The following NUBPL variants were observed in gnomAD, a reference collection of about 807,000 sequenced individuals.
NUBPL encodes the protein iron-sulfur cluster transfer protein NUBPL.
A neutral mutation model predicts 45.7 loss-of-function variants in NUBPL; 31 were observed. The ratio of observed to expected loss-of-function variants is 0.68; its 90% confidence interval spans 0.51 to 0.92. The LOEUF (loss-of-function observed/expected upper bound fraction) is 0.92. Among genes scored for constraint, NUBPL ranks in the 40% least tolerant of loss-of-function variants. The probability of loss-of-function intolerance (pLI) is 0.00; values close to 1 mark genes in which losing one functional copy is unlikely to be tolerated. For missense variants in NUBPL, 401 were observed against 398.7 expected (o/e 1.01, Z -0.05); for synonymous variants, 144 against 140.9 (o/e 1.02, Z -0.15).
At chr14:31,750,078 T>A (rs2038487807) in intron 6 of NUBPL, among the ~76,000 whole-genome samples, 1 of 152,070 alleles carries the variant, frequency 6.6e-6, no homozygotes, top group South Asian at 2.1e-4. Context: ...TATCTCTTTG[T>A]TGGGTTTTCA....
chr14:31,602,525 A>G (rs2034470088), intron 4 of NUBPL, among the ~76,000 whole-genome samples: 1 of 152,118 alleles, frequency 6.6e-6, no homozygotes, highest in South Asian at 2.1e-4. Context: ...AAAAGTATAT[A>G]TATAAAAAGA....
chr14:31,748,062 G>T (rs1005681890), intron 6 of NUBPL, among the ~76,000 whole-genome samples: 5 of 152,062 alleles, frequency 3.3e-5, no homozygotes, highest in Admixed American at 6.6e-5. Flanking sequence ...TGACCCATTG[G>T]TCATTCAGGG....
intron 4 of NUBPL, among the ~76,000 whole-genome samples, chr14:31,652,696 C>A (rs1304276636): frequency 6.6e-6 from 1 of 152,118 alleles, no homozygotes; most frequent in Non-Finnish European, 1.5e-5. Flanking sequence ...ATAAAACCAT[C>A]AAGTTTGTGA....
chr14:31,758,607 T>C (rs1283147865), intron 6 of NUBPL, among the ~76,000 whole-genome samples: 2 of 152,130 alleles, frequency 1.3e-5, no homozygotes, highest in Non-Finnish European at 2.9e-5. Flanking sequence ...GGGTAATAGT[T>C]CTTGGCTTGT....
chr14:31,734,450 A>G (rs2038120956), intron 6 of NUBPL, among the ~76,000 whole-genome samples: 2 of 152,220 alleles, frequency 1.3e-5, no homozygotes. Context: ...GGTTCTGGAA[A>G]TGAAATGAGA....
At chr14:31,639,886 A>G (rs1031070986) in intron 4 of NUBPL, among the ~76,000 whole-genome samples, 10 of 151,968 alleles carry the variant, frequency 6.6e-5, no homozygotes, top group East Asian at 1.9e-4. Context: ...ATGGGATTAT[A>G]TCCAGGTGCG....
At chr14:31,618,161 C>G (rs911364607) in intron 4 of NUBPL, among the ~76,000 whole-genome samples, 1 of 152,022 alleles carries the variant, frequency 6.6e-6, no homozygotes, top group Non-Finnish European at 1.5e-5. Flanking sequence ...TGATTCTTCT[C>G]TCTTTTCTTC....
At chr14:31,617,494 G>T (rs919730760) in intron 4 of NUBPL, among the ~76,000 whole-genome samples, 4 of 152,160 alleles carry the variant, frequency 2.6e-5, no homozygotes, top group Non-Finnish European at 4.4e-5. Context: ...AAGGGGTGTT[G>T]AATTTTGTTG....
At chr14:31,671,279 G>T (rs2036564312) in intron 4 of NUBPL, among the ~76,000 whole-genome samples, 1 of 152,134 alleles carries the variant, frequency 6.6e-6, no homozygotes, top group South Asian at 2.1e-4. Flanking sequence ...TTCATCTAAT[G>T]TTGGACATTT....
chr14:31,859,033 A>G, intron 10 of NUBPL, 85 bp from the exon 11 acceptor site: 1 of 1,125,064 alleles, frequency 8.9e-7, no homozygotes, highest in Non-Finnish European at 1.3e-6. Context: ...TATCAAATAC[A>G]GTGGGCCTCT....
At chr14:31,858,377 T>G (rs543529803) in intron 10 of NUBPL, among the ~76,000 whole-genome samples, 56 of 152,328 alleles carry the variant, frequency 3.7e-4, no homozygotes, top group African/African-American at 1.3e-3. Flanking sequence ...TTAGAAAATT[T>G]TACTATTGTG....
At chr14:31,754,591 CTTTTTT>C (rs59085679) in intron 6 of NUBPL, among the ~76,000 whole-genome samples, 3 of 103,700 alleles carry the variant, frequency 2.9e-5, no homozygotes, top group Non-Finnish European at 5.8e-5. Context: ...AGAGGGTTTT[CTTTTTT>C]TTTTTTTTTT....
intron 7 of NUBPL, among the ~76,000 whole-genome samples, chr14:31,819,991 T>C (rs2039987589): frequency 6.6e-6 from 1 of 151,596 alleles, no homozygotes; most frequent in Non-Finnish European, 1.5e-5. Context: ...ATACAAAAAA[T>C]TACCTGGGCA....
intron 3 of NUBPL, among the ~76,000 whole-genome samples, chr14:31,596,496 G>T (rs570956739): frequency 2.6e-5 from 4 of 152,002 alleles, no homozygotes; most frequent in Non-Finnish European, 5.9e-5. Context: ...GCCGTTTTTT[G>T]TGAAGTTTTA....
At chr14:31,704,403 C>T (rs1463330757) in intron 6 of NUBPL, among the ~76,000 whole-genome samples, 3 of 152,172 alleles carry the variant, frequency 2.0e-5, no homozygotes, top group African/African-American at 7.2e-5. Context: ...GTGGCCCACG[C>T]CTGTAATCCC....
At chr14:31,576,000 A>T (rs114702189) in intron 3 of NUBPL, among the ~76,000 whole-genome samples, 1 of 152,240 alleles carries the variant, frequency 6.6e-6, no homozygotes, top group Non-Finnish European at 1.5e-5. Flanking sequence ...CACACATTTC[A>T]TGTTCACTGA....
chr14:31,724,686 A>T (rs1353985904), intron 6 of NUBPL, among the ~76,000 whole-genome samples: 2 of 152,218 alleles, frequency 1.3e-5, no homozygotes, highest in Admixed American at 1.3e-4. Context: ...GAACACCTAT[A>T]ATGTGTTAGT....
At chr14:31,602,384 T>TATC (rs1566440370) in intron 4 of NUBPL, among the ~76,000 whole-genome samples, 2 of 1,388 alleles carry the variant, frequency 1.4e-3, no homozygotes, top group Non-Finnish European at 3.0e-3. Flanking sequence ...AAACTTAAAG[T>TATC]ATAATAATAG....
chr14:31,658,932 A>G (rs1324573591), intron 4 of NUBPL, among the ~76,000 whole-genome samples: 3 of 152,228 alleles, frequency 2.0e-5, no homozygotes, highest in Non-Finnish European at 4.4e-5. Context: ...ATGGTGAGGC[A>G]GGATAAAGGC....
Sources: allele counts gnomAD v4.1 joint callset (sites outside exome capture counted in the v4.1 genomes callset), GRCh38; gene constraint gnomAD v4.1.1; transcripts MANE v1.5; gene names NCBI Gene and HGNC (gene_info 2026-07-23, HGNC 2026-07-21).